GPC6: variants seen among roughly 807,000 people sequenced by gnomAD.
The protein encoded by GPC6 is glypican 6.
Under a neutral mutation model 55.2 loss-of-function variants are expected in GPC6, and 14 were observed. The observed-to-expected ratio is 0.25, with a 90% confidence interval of 0.17 to 0.40. The LOEUF (loss-of-function observed/expected upper bound fraction) is 0.40, where lower values mean the gene tolerates loss of function less well. Ranked by LOEUF, GPC6 falls within the 10% of genes least tolerant of loss-of-function variation. GPC6 has a pLI of 1.00. For missense variants in GPC6, 641 were observed against 708.5 expected (o/e 0.90, Z 1.08); for synonymous variants, 278 against 259.6 (o/e 1.07, Z -0.68).
chr13:93,608,046 T>C (rs1436323765), intron 2 of GPC6, among the ~76,000 whole-genome samples: 6 of 147,226 alleles, frequency 4.1e-5, no homozygotes, highest in African/African-American at 1.5e-4. Context: ...TATTTTTTTT[T>C]CTAGTATCAC....
chr13:93,399,539 G>T lies in GPC6; in HGVS notation c.161-145724G>T, dbSNP rs539466631. 2.6e-5 allele frequency among the ~76,000 whole-genome samples: 4 copies of T among 152,258 alleles called. No individual in the cohort carries two copies. The South Asian group carries it at 8.3e-4, about 32-fold the overall frequency. On this transcript the variant is annotated intron_variant, in intron 1 of 8. Coordinates refer to ENST00000377047, the MANE Select transcript of GPC6 (RefSeq NM_005708.5). ...TAAAATAATTATTAATATTTCCTAC[G>T]CATACACGAGATGCTGAAGTGGACA...
chr13:93,554,418 A>G (rs1594262118), intron 2 of GPC6, among the ~76,000 whole-genome samples: 1 of 152,168 alleles, frequency 6.6e-6, no homozygotes, highest in South Asian at 2.1e-4. Context: ...TCTCTAATCT[A>G]TCCACATGAA....
chr13:93,892,367 T>A (rs1385712711), intron 3 of GPC6, among the ~76,000 whole-genome samples: 1 of 152,188 alleles, frequency 6.6e-6, no homozygotes, highest in Non-Finnish European at 1.5e-5. Flanking sequence ...TGTTCTTACA[T>A]ACCCTTTTAT....
intron 6 of GPC6, among the ~76,000 whole-genome samples, chr13:94,331,457 T>C (rs1265956110): frequency 6.6e-6 from 1 of 152,098 alleles, no homozygotes; most frequent in East Asian, 1.9e-4. Flanking sequence ...GTTGGTTCCA[T>C]AGCCCAGTGT....
intron 2 of GPC6, among the ~76,000 whole-genome samples, chr13:93,745,777 T>C (rs756782898): frequency 2.0e-5 from 3 of 152,220 alleles, no homozygotes; most frequent in Non-Finnish European, 2.9e-5. Context: ...CTACGATGTC[T>C]ATGTGCCCAT....
intron 3 of GPC6, among the ~76,000 whole-genome samples, chr13:93,945,760 T>C (rs1367103528): frequency 6.6e-6 from 1 of 152,198 alleles, no homozygotes; most frequent in African/African-American, 2.4e-5. Flanking sequence ...TCCCACACTT[T>C]CACTGATTGT....
intron 4 of GPC6, among the ~76,000 whole-genome samples, chr13:94,235,167 CCTT>C (rs1890843683): frequency 6.6e-6 from 1 of 152,076 alleles, no homozygotes; most frequent in South Asian, 2.1e-4. Flanking sequence ...CCTGGGCACA[CCTT>C]CTGAGAACAA....
intron 1 of GPC6, among the ~76,000 whole-genome samples, chr13:93,312,286 A>T (rs1400157680): frequency 1.3e-5 from 2 of 152,164 alleles, no homozygotes; most frequent in Admixed American, 1.3e-4. Flanking sequence ...GTGTCAATAG[A>T]TCCTGAGAAC....
At chr13:94,196,148 A>G (rs934038890) in intron 4 of GPC6, among the ~76,000 whole-genome samples, 14 of 151,870 alleles carry the variant, frequency 9.2e-5, no homozygotes, top group South Asian at 4.2e-4. Context: ...AAGCCGGGCC[A>G]TACTGCATAC....
At chr13:94,269,859 A>G (rs753522151) in intron 4 of GPC6, among the ~76,000 whole-genome samples, 6 of 152,212 alleles carry the variant, frequency 3.9e-5, no homozygotes, top group Non-Finnish European at 5.9e-5. Context: ...AAAGTCTATC[A>G]GATATCTACA....
chr13:94,239,768 A>C (rs1890996898), intron 4 of GPC6, among the ~76,000 whole-genome samples: 1 of 152,140 alleles, frequency 6.6e-6, no homozygotes, highest in Non-Finnish European at 1.5e-5. Flanking sequence ...GGAATTCTAT[A>C]CAATATCTAG....
At chr13:94,159,476 C>A (rs904271893) in intron 4 of GPC6, among the ~76,000 whole-genome samples, 8 of 152,078 alleles carry the variant, frequency 5.3e-5, no homozygotes, top group South Asian at 2.1e-4. Context: ...AAAGAGGAAA[C>A]CCCTTATAAA....
intron 1 of GPC6, among the ~76,000 whole-genome samples, chr13:93,294,809 A>G (rs1362588525): frequency 1.3e-5 from 2 of 152,042 alleles, no homozygotes; most frequent in Non-Finnish European, 2.9e-5. Flanking sequence ...ACTCTTCTCA[A>G]TGCTTCAGCC....
chr13:94,192,769 C>A (rs1889440017), intron 4 of GPC6, among the ~76,000 whole-genome samples: 1 of 152,182 alleles, frequency 6.6e-6, no homozygotes, highest in African/African-American at 2.4e-5. Flanking sequence ...CATTACTGCG[C>A]ACCTCAGTTG....
chr13:93,839,370 A>G (rs192716864), intron 3 of GPC6, among the ~76,000 whole-genome samples: 5 of 152,278 alleles, frequency 3.3e-5, no homozygotes, highest in East Asian at 1.9e-4. Flanking sequence ...GACACCATCA[A>G]TGGGACTTTT....
intron 3 of GPC6, among the ~76,000 whole-genome samples, chr13:93,937,075 C>T (rs1878474218): frequency 6.6e-6 from 1 of 152,132 alleles, no homozygotes; most frequent in South Asian, 2.1e-4. Flanking sequence ...AAGGCATTTG[C>T]CTTGGTTAGC....
chr13:94,233,984 A>G (rs1169362067), intron 4 of GPC6, among the ~76,000 whole-genome samples: 1 of 152,142 alleles, frequency 6.6e-6, no homozygotes, highest in East Asian at 1.9e-4. Flanking sequence ...GCAGAGGACT[A>G]AATTTTAGAA....
intron 2 of GPC6, among the ~76,000 whole-genome samples, chr13:93,674,015 A>G (rs1276894658): frequency 6.6e-6 from 1 of 152,080 alleles, no homozygotes; most frequent in African/African-American, 2.4e-5. Context: ...AAGATGAATT[A>G]TAGAGGAGGA....
intron 3 of GPC6, among the ~76,000 whole-genome samples, chr13:93,937,013 A>T (rs2140359410): frequency 6.6e-6 from 1 of 152,334 alleles, no homozygotes; most frequent in South Asian, 2.1e-4. Context: ...CCCGATAGAA[A>T]GAATGGGCAA....
Sources: gnomAD v4.1 joint callset for allele counts (sites outside exome capture counted in the v4.1 genomes callset) on GRCh38, gnomAD v4.1.1 for gene constraint, MANE v1.5 for transcripts, NCBI Gene and HGNC (gene_info 2026-07-23, HGNC 2026-07-21) for gene names.